Variants in CAMKK2 observed in about 807,000 individuals in gnomAD.
CAMKK2 encodes the protein calcium/calmodulin-dependent protein kinase kinase 2.
CAMKK2 carries 30 observed loss-of-function variants against 67.2 expected under a neutral mutation model. The observed-to-expected ratio is 0.45, with a 90% CI of 0.33 to 0.61. The LOEUF (loss-of-function observed/expected upper bound fraction) is 0.61. Among genes scored for constraint, CAMKK2 ranks in the 20% least tolerant of loss-of-function variants. The pLI is 0.02. For synonymous variants in CAMKK2, 322 were observed against 326.2 expected (o/e 0.99, Z 0.14); for missense variants, 643 against 802.0 (o/e 0.80, Z 2.39).
chr12:121,273,852 C>T (rs1281769076), intron 2 of CAMKK2, among the ~76,000 whole-genome samples: 1 of 152,166 alleles, frequency 6.6e-6, no homozygotes, highest in Non-Finnish European at 1.5e-5. Flanking sequence ...TTGCTGACTG[C>T]CTTCCCTTCC....
chr12:121,279,732 A>G (rs1025764421), intron 1 of CAMKK2, among the ~76,000 whole-genome samples: 1 of 152,182 alleles, frequency 6.6e-6, no homozygotes, highest in Non-Finnish European at 1.5e-5. Flanking sequence ...CCATCCCCCA[A>G]GGCCTTGCCT....
At chr12:121,279,034 A>G (rs1897282460) in intron 1 of CAMKK2, among the ~76,000 whole-genome samples, 1 of 152,230 alleles carries the variant, frequency 6.6e-6, no homozygotes, top group South Asian at 2.1e-4. Context: ...TGCCTGGGAA[A>G]GTCAATGGAG....
chr12:121,260,494 G>T (rs1463288684), intron 6 of CAMKK2, 139 bp from the exon 7 acceptor site: 2 of 732,146 alleles, frequency 2.7e-6, no homozygotes, highest in Non-Finnish European at 4.8e-6. Flanking sequence ...GTGTTTCCCA[G>T]TTAAGATGGA....
At chr12:121,255,072 C>T (rs1891591106) in intron 9 of CAMKK2, among the ~76,000 whole-genome samples, 1 of 147,938 alleles carries the variant, frequency 6.8e-6, no homozygotes, top group South Asian at 2.1e-4. Context: ...TGCCCTCAAA[C>T]GTCAGACTCC....
chr12:121,297,180 A>G (rs1048336015), upstream of CAMKK2: 1 of 159,770 alleles, frequency 6.3e-6, no homozygotes, highest in African/African-American at 2.4e-5. Flanking sequence ...TTGTTTAGCC[A>G]AATGCCGGGG....
chr12:121,255,412 C>T (rs1171878641), intron 9 of CAMKK2, 138 bp downstream of exon 9: 1 of 343,798 alleles, frequency 2.9e-6, no homozygotes, highest in Non-Finnish European at 5.4e-6. Context: ...CCTATTAGTT[C>T]TGTCCCTCTA....
intron 1 of CAMKK2, among the ~76,000 whole-genome samples, chr12:121,274,805 CTT>C (rs140150523): frequency 9.8e-5 from 13 of 132,872 alleles, no homozygotes; most frequent in Admixed American, 2.3e-4. Flanking sequence ...CTTTTTTTTT[CTT>C]TTTTTTTTTT....
At chr12:121,275,158 T>G (rs1159857133) in intron 1 of CAMKK2, among the ~76,000 whole-genome samples, 1 of 151,012 alleles carries the variant, frequency 6.6e-6, no homozygotes, top group Non-Finnish European at 1.5e-5. Flanking sequence ...TAAGTTTGCC[T>G]GACTTTTTAT....
At chr12:121,256,612 G>A (rs1031275872) in intron 7 of CAMKK2, among the ~76,000 whole-genome samples, 5 of 152,028 alleles carry the variant, frequency 3.3e-5, no homozygotes, top group African/African-American at 1.2e-4. Flanking sequence ...CTATAGATTT[G>A]CCTGTTCTGG....
intron 5 of CAMKK2, among the ~76,000 whole-genome samples, chr12:121,265,798 CA>C (rs151054079): frequency 0.061 from 9,319 of 151,598 alleles, 373 homozygotes; most frequent in Middle Eastern, 0.16. Context: ...GTGAAGTTTG[CA>C]GTGAACCAAG....
chr12:121,279,704 A>G (rs1225641013), intron 1 of CAMKK2, among the ~76,000 whole-genome samples: 2 of 152,204 alleles, frequency 1.3e-5, no homozygotes, highest in Non-Finnish European at 2.9e-5. Flanking sequence ...ATCCTTCCCC[A>G]TGAAATCCAG....
In CAMKK2 at chr12:121,240,390, C is replaced by A; in HGVS notation, c.*309G>T. On this transcript the variant is annotated 3_prime_UTR_variant, in exon 17 of 17. Transcript: ENST00000404169. This position sits in a 1 kb window ranked among gnomAD's most constrained non-coding sequence, Gnocchi z 4.4. ...ATATCTGACGTGGTTCTGAAAATCA[C>A]AATGAAGGATTTTTGGCATAAAAAC... is the stretch of plus-strand genomic sequence containing the variant. 1 of 1,473,932 alleles carries A rather than the reference C, an allele frequency of 6.8e-7. No individual in the cohort carries two copies. The highest frequency in any genetic ancestry group is 9.1e-7 in the Non-Finnish European group (1 of 1,098,656). The allele number at this position is 1,473,932 out of a possible 1,614,324, so 91.3% of individuals were successfully genotyped here.
intron 5 of CAMKK2, among the ~76,000 whole-genome samples, chr12:121,267,022 C>CTTTTT (rs58762246): frequency 6.5e-5 from 2 of 30,766 alleles, no homozygotes; most frequent in East Asian, 1.3e-3. Flanking sequence ...GTGCTCTGGC[C>CTTTTT]TTTTTTTTTT....
At chr12:121,246,673 C>T (rs193198274) in intron 14 of CAMKK2, among the ~76,000 whole-genome samples, 3 of 152,124 alleles carry the variant, frequency 2.0e-5, no homozygotes, top group Non-Finnish European at 4.4e-5. Flanking sequence ...CCCACCCTGC[C>T]GCCTCCCCTG....
chr12:121,255,914 A>G (rs1375058871), intron 7 of CAMKK2, 110 bp from the exon 8 acceptor site: 1 of 1,010,706 alleles, frequency 9.9e-7, no homozygotes, highest in Non-Finnish European at 1.6e-6. Context: ...GACAGAAACT[A>G]GTATTAGAGC....
At chr12:121,270,967 G>A (rs368105216) in intron 2 of CAMKK2, 22 bp from the exon 3 acceptor site, 22 of 1,608,598 alleles carry the variant, frequency 1.4e-5, no homozygotes, top group Middle Eastern at 1.6e-4. Context: ...GGAGAGACAC[G>A]TGCAAAATGA....
chr12:121,279,933 G>T (rs577835001), intron 1 of CAMKK2, among the ~76,000 whole-genome samples: 1 of 152,210 alleles, frequency 6.6e-6, no homozygotes, highest in African/African-American at 2.4e-5. Flanking sequence ...GCTACCTCCC[G>T]CGCAGCAAGC....
rs780011233 is a variant in CAMKK2, at chr12:121,253,907, G to A, written c.908-435C>T. On this transcript the variant is annotated intron_variant, in intron 9 of 16. Transcript: ENST00000404169. The surrounding 1 kb of genome is among the most constrained non-coding windows in gnomAD (Gnocchi z 5.0). ...AAACCGACAATGACCTGAGCAGGCC[G>A]ATTTGAAATGTGAACCACACACAGA... is the stretch of plus-strand genomic sequence containing the variant. 1.3e-5 allele frequency among the ~76,000 whole-genome samples: 2 copies of A among 152,158 alleles called. No individual in the cohort carries two copies. The highest frequency in any genetic ancestry group is 1.5e-5 in the Non-Finnish European group (1 of 68,034).
rs755230283 is a variant in CAMKK2 at position 121,240,720 on chromosome 12, C to T, written c.1746G>A (p.Glu582=). Residue 582 remains glutamate, a synonymous_variant, in exon 17 of 17, where the codon GAG becomes GAA. Coordinates refer to ENST00000404169, the MANE Select transcript of CAMKK2 (RefSeq NM_001270485.2). This position sits in a 1 kb window ranked among gnomAD's most constrained non-coding sequence, Gnocchi z 4.4. The part of the protein sequence containing the change: ...SPARMHPLRP[E]EAMEPE ...GCAGCTACTCGGGCTCCATGGCCTC[C>T]TCCGGCCGCAGTGGATGCATGCGTG... 6.2e-7 allele frequency: 1 copy of T among 1,606,404 alleles called. No individual in the cohort carries two copies. Among genetic ancestry groups the T allele is most frequent in the Admixed American group, 1.7e-5 (1 of 58,758 alleles).
Sources: allele counts gnomAD v4.1 joint callset (sites outside exome capture counted in the v4.1 genomes callset), GRCh38; gene constraint gnomAD v4.1.1; non-coding constraint Gnocchi (gnomAD v3.1); transcripts MANE v1.5; gene names NCBI Gene and HGNC (gene_info 2026-07-23, HGNC 2026-07-21).